Variants in ATG10 observed in about 807,000 individuals in gnomAD.
The protein encoded by ATG10 is autophagy related 10.
ATG10 carries 30 observed loss-of-function variants against 32.1 expected under a neutral mutation model. The observed-to-expected ratio is 0.94, with a 90% confidence interval of 0.70 to 1.27. ATG10 has a LOEUF of 1.27. ATG10 is among the 50% of genes most tolerant of loss of function. The probability of loss-of-function intolerance (pLI) is 0.00; values close to 1 mark genes in which losing one functional copy is unlikely to be tolerated. For missense variants in ATG10, 233 were observed against 262.3 expected (o/e 0.89, Z 0.77); for synonymous variants, 87 against 91.5 (o/e 0.95, Z 0.28).
intron 2 of ATG10, among the ~76,000 whole-genome samples, chr5:82,015,481 G>C (rs1407780166): frequency 1.3e-5 from 2 of 152,060 alleles, no homozygotes; most frequent in Non-Finnish European, 1.5e-5. Context: ...ACGTAGATTT[G>C]GTCTTTTCAC....
At chr5:82,236,380 C>G (rs1427207706) in intron 5 of ATG10, among the ~76,000 whole-genome samples, 3 of 152,152 alleles carry the variant, frequency 2.0e-5, no homozygotes, top group Non-Finnish European at 4.4e-5. Flanking sequence ...AGTTTGGGAA[C>G]TCGGAGTTCT....
At chr5:82,180,635 C>CTA (rs1454170689) in intron 5 of ATG10, among the ~76,000 whole-genome samples, 2 of 151,910 alleles carry the variant, frequency 1.3e-5, no homozygotes, top group Non-Finnish European at 2.9e-5. Flanking sequence ...TCCACAAGAC[C>CTA]CAGAAAATGT....
Position 82,185,345 on chromosome 5 carries a change from C to T in ATG10, c.453+6758C>T, listed in dbSNP as rs1744406695. On this transcript the variant is annotated intron_variant, in intron 5 of 7. Transcript: ENST00000282185. ...TCCATATGTCTGGGAAAGGAAAGTA[C>T]AAGTGAATGAATGGGGTTGGAGGGA... Among the ~76,000 whole-genome samples the T allele has an allele frequency of 2.6e-5, 4 of 152,078 alleles. No individual in the cohort carries two copies. The South Asian group carries it at 8.3e-4, about 31-fold the overall frequency.
intron 1 of ATG10, among the ~76,000 whole-genome samples, chr5:81,986,838 G>A (rs1025225959): frequency 3.9e-5 from 6 of 152,122 alleles, no homozygotes; most frequent in Admixed American, 3.3e-4. Context: ...GAGGTCAAGA[G>A]TTTAGGACCA....
chr5:82,223,799 TA>T (rs1746017705), intron 5 of ATG10, among the ~76,000 whole-genome samples: 1 of 152,172 alleles, frequency 6.6e-6, no homozygotes, highest in South Asian at 2.1e-4. Flanking sequence ...GTTTGTTTAT[TA>T]TGAACTGAAA....
chr5:82,107,925 C>A (rs1256158437), intron 3 of ATG10, among the ~76,000 whole-genome samples: 1 of 151,934 alleles, frequency 6.6e-6, no homozygotes, highest in South Asian at 2.1e-4. Flanking sequence ...AATGGAAATT[C>A]TAGACTGAAT....
At chr5:82,210,396 A>G (rs867823385) in intron 5 of ATG10, among the ~76,000 whole-genome samples, 1 of 152,302 alleles carries the variant, frequency 6.6e-6, no homozygotes, top group Middle Eastern at 3.4e-3. Flanking sequence ...AGTCCCTATG[A>G]GAGCTGATCT....
chr5:82,061,897 A>G lies in ATG10; in HGVS notation c.216+3295A>G, dbSNP rs974533371. 3.8e-5 allele frequency among the ~76,000 whole-genome samples: 5 copies of G among 133,006 alleles called. No individual in the cohort carries two copies. In the South Asian group the frequency reaches 9.2e-4, roughly 25 times the overall value. 87.3% of individuals were successfully genotyped at this position (133,006 alleles called of 152,430 possible). On this transcript the variant is annotated intron_variant, in intron 3 of 7. Transcript: ENST00000282185. ...CTGGAGTGCAGTGGCACAGTCAGTC[A>G]TAGCTCACTGAATCATCTAATTCCT...
intron 2 of ATG10, among the ~76,000 whole-genome samples, chr5:82,051,292 T>C (rs1337374351): frequency 1.3e-5 from 2 of 152,300 alleles, no homozygotes; most frequent in African/African-American, 4.8e-5. Flanking sequence ...GCTTAATTCT[T>C]TCCCAGAAGG....
intron 3 of ATG10, chr5:82,073,365 C>G (rs1381389261): frequency 1.3e-5 from 2 of 152,082 alleles, no homozygotes; most frequent in African/African-American, 4.8e-5. Flanking sequence ...AACCTTTGAC[C>G]CTTAGTGGTT....
chr5:82,112,911 A>C (rs529274148), intron 3 of ATG10, among the ~76,000 whole-genome samples: 4 of 151,892 alleles, frequency 2.6e-5, no homozygotes, highest in Non-Finnish European at 5.9e-5. Context: ...TTGGGATATC[A>C]GATGTATTTA....
At chr5:82,175,137 C>G (rs766043443) in intron 4 of ATG10, among the ~76,000 whole-genome samples, 4 of 152,112 alleles carry the variant, frequency 2.6e-5, no homozygotes, top group Non-Finnish European at 5.9e-5. Flanking sequence ...TCAAACAAAG[C>G]TCTGGTTACA....
intron 5 of ATG10, among the ~76,000 whole-genome samples, chr5:82,223,217 T>C (rs1745995884): frequency 6.6e-6 from 1 of 152,248 alleles, no homozygotes; most frequent in South Asian, 2.1e-4. Flanking sequence ...AAGATTGCAC[T>C]TCAGGTATTA....
chr5:82,022,237 G>A (rs1762462278), intron 2 of ATG10, among the ~76,000 whole-genome samples: 1 of 151,876 alleles, frequency 6.6e-6, no homozygotes, highest in Admixed American at 6.6e-5. Context: ...TGGATGCAGA[G>A]CTTGCTGATA....
At chr5:82,020,103 C>G (rs1229401184) in intron 2 of ATG10, among the ~76,000 whole-genome samples, 4 of 152,190 alleles carry the variant, frequency 2.6e-5, no homozygotes, top group African/African-American at 9.6e-5. Flanking sequence ...CAGGGAGTGT[C>G]ACAGAAGCAA....
intron 2 of ATG10, among the ~76,000 whole-genome samples, chr5:82,008,039 A>G (rs1187851535): frequency 6.6e-6 from 1 of 152,200 alleles, no homozygotes; most frequent in Admixed American, 6.5e-5. Flanking sequence ...AGTGACAAAT[A>G]AATACATTTG....
At position 82,214,106 on chromosome 5, in the gene ATG10, A is replaced by G. The variant is rs1325843002; in HGVS notation, c.453+35519A>G. The stretch of plus-strand genomic sequence containing the variant: ...TGTGCTGCCAGAAACTAGAAGGGTA[A>G]GATGTCTGCTCATACCTGCTCATAC... On this transcript the variant is annotated intron_variant, in intron 5 of 7. Coordinates refer to ENST00000282185, the MANE Select transcript of ATG10 (RefSeq NM_031482.5). Among the ~76,000 whole-genome samples, 4 of 152,230 alleles carry G rather than the reference A, an allele frequency of 2.6e-5. No individual in the cohort carries two copies. The East Asian group carries it at 7.7e-4, about 29-fold the overall frequency.
chr5:82,139,679 C>T (rs1351763746), intron 3 of ATG10, among the ~76,000 whole-genome samples: 47 of 143,772 alleles, frequency 3.3e-4, no homozygotes, highest in Non-Finnish European at 6.2e-4. Flanking sequence ...GGAGCGTCTC[C>T]GCCCGGCAGC....
At chr5:82,012,520 C>T (rs1255407590) in intron 2 of ATG10, among the ~76,000 whole-genome samples, 2 of 152,122 alleles carry the variant, frequency 1.3e-5, no homozygotes, top group East Asian at 3.8e-4. Flanking sequence ...CAACCCTGAC[C>T]TCCCAAGTTT....
Sources: gnomAD v4.1 joint callset for allele counts (sites outside exome capture counted in the v4.1 genomes callset) on GRCh38, gnomAD v4.1.1 for gene constraint, MANE v1.5 for transcripts, NCBI Gene and HGNC (gene_info 2026-07-23, HGNC 2026-07-21) for gene names.